PITPNM3: variants seen among roughly 807,000 people sequenced by gnomAD.
PITPNM3 encodes the protein membrane-associated phosphatidylinositol transfer protein 3.
PITPNM3 carries 26 observed loss-of-function variants against 102.0 expected under a neutral mutation model. The observed-to-expected ratio is 0.25, with a 90% confidence interval of 0.19 to 0.35. The LOEUF (loss-of-function observed/expected upper bound fraction) is 0.35. PITPNM3 is among the 10% of genes least tolerant of loss of function. The pLI is 1.00. For synonymous variants in PITPNM3, 578 were observed against 558.6 expected, an observed-to-expected ratio of 1.03 and a Z score of -0.49; for missense variants, 1,083 against 1,346.1, an observed-to-expected ratio of 0.80 and a Z score of 3.06.
intron 4 of PITPNM3, among the ~76,000 whole-genome samples, chr17:6,495,948 G>A (rs760972188): frequency 6.6e-6 from 1 of 152,134 alleles, no homozygotes; most frequent in Non-Finnish European, 1.5e-5. Context: ...GCCCGAGGCC[G>A]AGGCCCCCTA....
intron 4 of PITPNM3, among the ~76,000 whole-genome samples, chr17:6,487,675 G>C (rs574688434): frequency 2.7e-4 from 41 of 152,312 alleles, no homozygotes; most frequent in Admixed American, 3.3e-4. Flanking sequence ...TCTGTTAGGT[G>C]GGGGCTGGAC....
intron 1 of PITPNM3, among the ~76,000 whole-genome samples, chr17:6,543,994 A>T (rs1452009077): frequency 6.6e-6 from 1 of 152,218 alleles, no homozygotes; most frequent in Non-Finnish European, 1.5e-5. Context: ...AAAGGAGGGC[A>T]CATGGGTGTC....
chr17:6,543,277 C>T (rs1380151295), intron 1 of PITPNM3, among the ~76,000 whole-genome samples: 1 of 152,206 alleles, frequency 6.6e-6, no homozygotes, highest in Non-Finnish European at 1.5e-5. Flanking sequence ...AGCATGGGTG[C>T]AGCCAAAGAC....
At chr17:6,509,377 G>T (rs1907733257) in intron 3 of PITPNM3, among the ~76,000 whole-genome samples, 1 of 152,216 alleles carries the variant, frequency 6.6e-6, no homozygotes, top group African/African-American at 2.4e-5. Context: ...TGGAGAGTTG[G>T]TGGCTGCGGA....
At chr17:6,483,845 ACACT>A (rs1905907468) in intron 5 of PITPNM3, 93 bp from the exon 6 acceptor site, 8 of 1,051,832 alleles carry the variant, frequency 7.6e-6, no homozygotes, top group Admixed American at 7.4e-5. Flanking sequence ...GCATACACAC[ACACT>A]CACACACACG....
chr17:6,545,853 C>A (rs1332553564), intron 1 of PITPNM3, among the ~76,000 whole-genome samples: 1 of 152,196 alleles, frequency 6.6e-6, no homozygotes, highest in African/African-American at 2.4e-5. Flanking sequence ...TGTGGGTTCC[C>A]CCTGAGCAGA....
chr17:6,460,409 A>G (rs1904384623), intron 18 of PITPNM3, among the ~76,000 whole-genome samples: 1 of 152,226 alleles, frequency 6.6e-6, no homozygotes, highest in Admixed American at 6.5e-5. Flanking sequence ...GTAGTTGTCA[A>G]TTGACATGTC....
In PITPNM3 at chr17:6,537,767, T is replaced by G. The variant is rs117047458; in HGVS notation, c.118+220A>C. ...ACAGGATCCCTGGCACCTAGCAGAGTTCCCGGCACATGTGAGGGGTTCAGC... is the reference window on the plus strand; with the variant it reads ...ACAGGATCCCTGGCACCTAGCAGAGGTCCCGGCACATGTGAGGGGTTCAGC... On this transcript the variant is annotated intron_variant, in intron 2 of 19. Transcript: ENST00000262483. The surrounding 1 kb of genome is among the most constrained non-coding windows in gnomAD (Gnocchi z 4.4). 4.6e-5 allele frequency among the ~76,000 whole-genome samples: 7 copies of G among 152,248 alleles called. No individual in the cohort carries two copies. In the East Asian group the frequency reaches 1.4e-3, roughly 29 times the overall value.
At chr17:6,471,443 T>G in intron 11 of PITPNM3, 88 bp from the exon 12 acceptor site, 1 of 1,306,678 alleles carries the variant, frequency 7.7e-7, no homozygotes, top group Non-Finnish European at 1.0e-6. Flanking sequence ...GGAGGGAGGC[T>G]GGGCACTTGG....
At chr17:6,548,076 G>A (rs927807830) in intron 1 of PITPNM3, among the ~76,000 whole-genome samples, 14 of 152,146 alleles carry the variant, frequency 9.2e-5, no homozygotes, top group Non-Finnish European at 1.8e-4. Flanking sequence ...CAGCTTTTTG[G>A]GAAGTGCATC....
intron 2 of PITPNM3, among the ~76,000 whole-genome samples, chr17:6,531,179 G>T (rs1909126434): frequency 1.3e-5 from 2 of 152,134 alleles, no homozygotes; most frequent in South Asian, 4.1e-4. Context: ...TCCATCTAAG[G>T]TTAAAGTGAA....
intron 4 of PITPNM3, among the ~76,000 whole-genome samples, chr17:6,489,323 A>T (rs1906286143): frequency 6.6e-6 from 1 of 151,104 alleles, no homozygotes; most frequent in South Asian, 2.1e-4. Flanking sequence ...CTTGGCAGTC[A>T]CTCCCACCCC....
rs1433132586 is a variant in PITPNM3, at chr17:6,472,234, C to T, written c.1429+423G>A. On this transcript the variant is annotated intron_variant, in intron 11 of 19. Transcript: ENST00000262483. This position sits in a 1 kb window ranked among gnomAD's most constrained non-coding sequence, Gnocchi z 4.1. ...ACCCTCATCCTCTAGCTCTTCTCCA[C>T]CTGCCCAAATGCACCTCCCCTCTCT... 3.3e-5 allele frequency among the ~76,000 whole-genome samples: 5 copies of T among 152,218 alleles called. No homozygotes were observed. The South Asian group carries it at 8.3e-4, about 25-fold the overall frequency.
intron 14 of PITPNM3, among the ~76,000 whole-genome samples, chr17:6,466,941 G>A (rs975757782): frequency 2.0e-5 from 3 of 151,948 alleles, no homozygotes; most frequent in Admixed American, 6.6e-5. Flanking sequence ...GTGAACACCT[G>A]TAATCCCAGC....
At chr17:6,464,850 CT>C in intron 14 of PITPNM3, 79 bp from the exon 15 acceptor site, 2 of 1,332,448 alleles carry the variant, frequency 1.5e-6, no homozygotes, top group Non-Finnish European at 2.2e-6. Context: ...GTTCCTCAGA[CT>C]GGCTGGAGGC....
rs1914181975 is a variant in PITPNM3 at position 6,458,026 on chromosome 17, G to C, written c.2491-304C>G. Among the ~76,000 whole-genome samples the C allele has an allele frequency of 6.6e-6, 1 of 152,166 alleles. No individual in the cohort carries two copies. Among genetic ancestry groups the C allele is most frequent in the East Asian group, 1.9e-4 (1 of 5,188 alleles). ...AAGGCAAGCGTTCCTTTGTGGATAAGGAAATTGAGTTCCAGGTTTCTGGCT... is the reference window on the plus strand; with the variant it reads ...AAGGCAAGCGTTCCTTTGTGGATAACGAAATTGAGTTCCAGGTTTCTGGCT... On this transcript the variant is annotated intron_variant, in intron 18 of 19. Coordinates refer to ENST00000262483, the MANE Select transcript of PITPNM3 (RefSeq NM_031220.4). This position sits in a 1 kb window ranked among gnomAD's most constrained non-coding sequence, Gnocchi z 5.1.
At chr17:6,482,849 A>C (rs1009432472) in intron 6 of PITPNM3, among the ~76,000 whole-genome samples, 1 of 152,138 alleles carries the variant, frequency 6.6e-6, no homozygotes, top group South Asian at 2.1e-4. Context: ...CGTGTTTTTC[A>C]GATTCCTACT....
chr17:6,497,845 C>G (rs532945334), intron 4 of PITPNM3, among the ~76,000 whole-genome samples: 16 of 152,348 alleles, frequency 1.1e-4, no homozygotes, highest in Admixed American at 2.6e-4. Context: ...CCAACCCATC[C>G]TGCATGGGGG....
At chr17:6,501,223 GTTCTT>G (rs1907150185) in intron 4 of PITPNM3, among the ~76,000 whole-genome samples, 1 of 152,158 alleles carries the variant, frequency 6.6e-6, no homozygotes, top group African/African-American at 2.4e-5. Context: ...GAGATGATTG[GTTCTT>G]TTCCTCTTCT....
Sources: gnomAD v4.1 joint callset for allele counts (sites outside exome capture counted in the v4.1 genomes callset) on GRCh38, gnomAD v4.1.1 for gene constraint, Gnocchi (gnomAD v3.1) non-coding constraint, MANE v1.5 for transcripts, NCBI Gene and HGNC (gene_info 2026-07-23, HGNC 2026-07-21) for gene names.